Variants in UTP18 observed in about 807,000 individuals in gnomAD.
UTP18 encodes U3 small nucleolar RNA-associated protein 18 homolog.
Under a neutral mutation model 61.1 loss-of-function variants are expected in UTP18, and 36 were observed. That is an observed-to-expected ratio of 0.59 (90% CI 0.45 to 0.78). The LOEUF (loss-of-function observed/expected upper bound fraction) is 0.78. Among genes scored for constraint, UTP18 ranks in the 30% least tolerant of loss-of-function variants. UTP18 has a pLI of 0.00. For synonymous variants in UTP18, 282 were observed against 251.1 expected (o/e 1.12, Z -1.16); for missense variants, 753 against 693.9 (o/e 1.09, Z -0.96).
chr17:51,272,211 G>T (rs1904553334), intron 4 of UTP18, among the ~76,000 whole-genome samples: 1 of 152,012 alleles, frequency 6.6e-6, no homozygotes, highest in South Asian at 2.1e-4. Flanking sequence ...TGATTCTCTT[G>T]CTTCAGCCTC....
Position 51,275,775 on chromosome 17 carries a change from A to G in UTP18, c.712-91A>G, listed in dbSNP as rs531960072. 4.6e-4 allele frequency: 565 copies of G among 1,235,466 alleles called. 3 individuals carry two copies. Among genetic ancestry groups the G allele is most frequent in the East Asian group, 2.1e-4 (7 of 32,664 alleles). 76.5% of individuals were successfully genotyped at this position (1,235,466 alleles called of 1,614,324 possible). A position where few individuals can be genotyped will look rare whatever the true frequency, so the allele number is the denominator to read the frequency against. On this transcript the variant is annotated intron_variant, in intron 5 of 13. Transcript: ENST00000225298. ...CCATTCCAGTGCATTTTTTTCCTTC[A>G]TTATAAACTGTAATGTCTTTTCTTC...
chr17:51,286,813 T>C (rs1014512808), intron 10 of UTP18, among the ~76,000 whole-genome samples: 1 of 151,924 alleles, frequency 6.6e-6, no homozygotes, highest in African/African-American at 2.4e-5. Context: ...TTTAAACTCA[T>C]TATAAGTAGT....
intron 1 of UTP18, among the ~76,000 whole-genome samples, chr17:51,261,985 G>A (rs527991719): frequency 1.3e-5 from 2 of 152,256 alleles, no homozygotes; most frequent in Admixed American, 6.5e-5. Context: ...GGGTTTGAAG[G>A]CTATTAGACT....
At chr17:51,279,956 A>C (rs1415639424) in intron 7 of UTP18, 49 bp from the exon 8 acceptor site, 1 of 1,407,566 alleles carries the variant, frequency 7.1e-7, no homozygotes, top group Non-Finnish European at 9.8e-7. Flanking sequence ...TGATAGTTTT[A>C]TTGAAAACTA....
intron 4 of UTP18, among the ~76,000 whole-genome samples, chr17:51,269,113 C>T (rs1904412616): frequency 6.6e-6 from 1 of 151,514 alleles, no homozygotes; most frequent in South Asian, 2.1e-4. Context: ...ATGGCGAAAC[C>T]CCATCTCTAC....
rs374061305 is a variant in UTP18, at chr17:51,293,992, G to T, written c.1593G>T (p.Pro531=). ...ISHVHTMDFS[P]RSGYFALGNE... is the part of the protein sequence containing the mutation. The stretch of plus-strand genomic sequence containing the variant: ...ATGTTCATACCATGGATTTTTCTCC[G>T]AGAAGTGGATACTTTGCCTTGGGGA... Residue 531 remains proline, a synonymous_variant, in exon 12 of 14, where the codon CCG becomes CCT. Transcript: ENST00000225298. 1 of 1,610,494 alleles carries T rather than the reference G, an allele frequency of 6.2e-7. No individual in the cohort carries two copies. Among genetic ancestry groups the T allele is most frequent in the Non-Finnish European group, 8.5e-7 (1 of 1,178,368 alleles).
At chr17:51,280,641 C>T (rs1295090896) in intron 9 of UTP18, among the ~76,000 whole-genome samples, 162 bp downstream of exon 9, 7 of 150,376 alleles carry the variant, frequency 4.7e-5, no homozygotes, top group African/African-American at 1.7e-4. Context: ...GGTAAAACTC[C>T]GTCTCTACTA....
intron 4 of UTP18, among the ~76,000 whole-genome samples, chr17:51,271,024 C>G (rs775005894): frequency 1.3e-5 from 2 of 152,030 alleles, no homozygotes; most frequent in Non-Finnish European, 2.9e-5. Context: ...TACTGAGTTT[C>G]GTTATAAGAA....
intron 11 of UTP18, chr17:51,288,687 G>A (rs1289039638): frequency 1.1e-5 from 5 of 447,366 alleles, no homozygotes; most frequent in Admixed American, 9.7e-5. Flanking sequence ...GGAATCCGCA[G>A]GACCACCTCC....
chr17:51,294,173 A>G (rs894607496), intron 12 of UTP18, 128 bp downstream of exon 12: 3 of 677,648 alleles, frequency 4.4e-6, no homozygotes, highest in Non-Finnish European at 4.2e-6. Context: ...TCTCATCTTC[A>G]TTATCTTACT....
intron 1 of UTP18, among the ~76,000 whole-genome samples, chr17:51,261,330 G>A (rs371729988): frequency 6.6e-6 from 1 of 152,222 alleles, no homozygotes; most frequent in African/African-American, 2.4e-5. Flanking sequence ...ACGGGCCTGG[G>A]CATCTCCGTT....
chr17:51,297,739 C>G (rs1306147649), intron 13 of UTP18, 43 bp from the exon 14 acceptor site: 1 of 439,068 alleles, frequency 2.3e-6, no homozygotes, highest in East Asian at 7.9e-5. Flanking sequence ...TGATGACCAG[C>G]AGCTATAAAT....
Position 51,280,029 on chromosome 17 carries a change from G to T in UTP18, c.1037G>T (p.Ser346Ile), listed in dbSNP as rs1210065948. Residue 346 changes from serine (S) to isoleucine (I), a missense_variant, in exon 8 of 14, where the codon AGC becomes ATC. By Grantham distance (142) the Ser-to-Ile change is moderately radical. Transcript: ENST00000225298. Reference protein sequence around the residue: ...VRGLKEKIVRSFEVSPDGSFL... With the variant: ...VRGLKEKIVRIFEVSPDGSFL... ...GGTTTGAAAGAGAAGATAGTGAGGA[G>T]CTTTGAAGTCTCCCCAGATGGGTCC... is the stretch of plus-strand genomic sequence containing the variant. The T allele has an allele frequency of 3.1e-6, 5 of 1,613,762 alleles. No individual in the cohort carries two copies. Among genetic ancestry groups the T allele is most frequent in the Non-Finnish European group, 4.2e-6 (5 of 1,179,896 alleles).
At chr17:51,291,307 T>A (rs1905233236) in intron 11 of UTP18, among the ~76,000 whole-genome samples, 1 of 152,180 alleles carries the variant, frequency 6.6e-6, no homozygotes, top group Non-Finnish European at 1.5e-5. Context: ...GTGAGATCAT[T>A]GGCTTGAGGG....
At chr17:51,277,998 C>T (rs770293670) in intron 7 of UTP18, among the ~76,000 whole-genome samples, 2 of 152,186 alleles carry the variant, frequency 1.3e-5, no homozygotes, top group Non-Finnish European at 2.9e-5. Context: ...CCCTATTAAA[C>T]TGTACATGCA....
chr17:51,262,319 C>T (rs1030383192), intron 1 of UTP18, among the ~76,000 whole-genome samples: 15 of 152,056 alleles, frequency 9.9e-5, no homozygotes, highest in Non-Finnish European at 1.5e-4. Flanking sequence ...CTCCTGACCT[C>T]GTGATCCGCC....
intron 9 of UTP18, among the ~76,000 whole-genome samples, chr17:51,281,840 G>A (rs930121536): frequency 6.6e-6 from 1 of 152,070 alleles, no homozygotes; most frequent in African/African-American, 2.4e-5. Flanking sequence ...AAAAGATAAG[G>A]CAGACATTAT....
intron 12 of UTP18, 77 bp downstream of exon 12, chr17:51,294,122 CTAA>C: frequency 1.7e-6 from 2 of 1,209,104 alleles, no homozygotes; most frequent in South Asian, 5.2e-5. Flanking sequence ...CTATATATTC[CTAA>C]TTCTACAGTT....
intron 11 of UTP18, among the ~76,000 whole-genome samples, chr17:51,290,071 A>G (rs978262636): frequency 3.9e-5 from 6 of 152,138 alleles, no homozygotes; most frequent in African/African-American, 1.4e-4. Context: ...GAGCAGTGTC[A>G]TTGTTGTCTG....
Sources: gnomAD v4.1 joint callset for allele counts (sites outside exome capture counted in the v4.1 genomes callset) on GRCh38, gnomAD v4.1.1 for gene constraint, MANE v1.5 for transcripts, NCBI Gene and HGNC (gene_info 2026-07-23, HGNC 2026-07-21) for gene names.